The following VILL variants were observed in gnomAD, a reference collection of about 807,000 sequenced individuals.
The protein encoded by VILL is villin like.
A neutral mutation model predicts 106.3 loss-of-function variants in VILL; 102 were observed. The observed-to-expected ratio is 0.96, with a 90% CI of 0.82 to 1.13. The LOEUF (loss-of-function observed/expected upper bound fraction) is 1.13, where lower values mean the gene tolerates loss of function less well. VILL is among the 50% of genes most tolerant of loss of function. The pLI is 0.00. For missense variants in VILL, 1,076 were observed against 1,116.6 expected (o/e 0.96, Z 0.52); for synonymous variants, 431 against 440.3 (o/e 0.98, Z 0.27).
intron 16 of VILL, among the ~76,000 whole-genome samples, chr3:38,005,213 C>T (rs937437562): frequency 2.0e-5 from 3 of 152,062 alleles, no homozygotes; most frequent in African/African-American, 7.3e-5. Context: ...AGAACAAACC[C>T]AGAGCTCTTA....
chr3:38,001,185 G>A, intron 11 of VILL: 2 of 567,850 alleles, frequency 3.5e-6, no homozygotes, highest in Non-Finnish European at 6.3e-6. Context: ...TGGCTGGTGG[G>A]GTTGGGACTA....
rs1368283460 is a variant in VILL, at chr3:38,002,419, G to C, written c.1503G>C (p.Lys501Asn). ...IFQERAGHHGKGQSASTTRLF... is the reference protein window; with the variant it reads ...IFQERAGHHGNGQSASTTRLF... The stretch of plus-strand genomic sequence containing the variant: ...AGGAGAGAGCTGGGCACCATGGAAA[G>C]GGGCAGTCAGCATCCACCACAAGGC... The change falls in exon 14 of 20, where the codon AAG becomes AAC. Residue 501 changes from lysine to asparagine, a missense_variant. Physicochemically the swap from Lys to Asn is moderately conservative, Grantham distance 94 (BLOSUM62 0). Transcript: ENST00000383759. The C allele has an allele frequency of 8.1e-6, 13 of 1,613,282 alleles. No individual in the cohort carries two copies. The highest frequency in any genetic ancestry group is 1.1e-5 in the Non-Finnish European group (13 of 1,179,474).
At chr3:37,995,219 A>G (rs1262011913) in intron 4 of VILL, among the ~76,000 whole-genome samples, 3 of 152,266 alleles carry the variant, frequency 2.0e-5, no homozygotes, top group Admixed American at 6.5e-5. Flanking sequence ...CACTAGCAAT[A>G]TATTTGGAAA....
At position 38,001,766 on chromosome 3, in the gene VILL, T is replaced by C. The variant is rs1171390422; in HGVS notation, c.1385T>C (p.Met462Thr). Reference protein sequence around the residue: ...LNSNAEELDVMYGGVLVQEHV... With the variant: ...LNSNAEELDVTYGGVLVQEHV... ...AGCAACGCTGAGGAACTAGATGTCA[T>C]GTATGGTGGCGTCCTAGTACAGGAG... Residue 462 changes from methionine to threonine, a missense_variant, in exon 13 of 20, where the codon ATG (methionine) becomes ACG (threonine). Met to Thr is a moderately conservative substitution (Grantham distance 81). Transcript: ENST00000383759. 1 of 1,614,256 alleles carries C rather than the reference T, an allele frequency of 6.2e-7. No homozygotes were observed. Among genetic ancestry groups the C allele is most frequent in the Non-Finnish European group, 8.5e-7 (1 of 1,180,032 alleles).
At position 37,998,914 on chromosome 3, in the gene VILL, C is replaced by G; in HGVS notation, c.945C>G (p.Gly315=). The part of the protein sequence containing the change: ...ERKAAFSRAV[G]FIQAKGYPTY... Reference sequence around the variant, plus strand: ...ACTGACGATGCCTTCCGCCCCAGGGCTTCATCCAGGCCAAGGGCTACCCGA... The same window carrying G: ...ACTGACGATGCCTTCCGCCCCAGGGGTTCATCCAGGCCAAGGGCTACCCGA... Residue 315 remains glycine (G), a splice_region_variant and synonymous_variant, in exon 10 of 20, where the codon GGC becomes GGG. Coordinates refer to ENST00000383759, the MANE Select transcript of VILL (RefSeq NM_015873.4). This position sits in a 1 kb window ranked among gnomAD's most constrained non-coding sequence, Gnocchi z 4.1. The G allele has an allele frequency of 6.3e-7, 1 of 1,592,378 alleles. No individual in the cohort carries two copies. The highest frequency in any genetic ancestry group is 1.1e-5 in the South Asian group (1 of 89,910).
intron 4 of VILL, among the ~76,000 whole-genome samples, chr3:37,994,774 C>G (rs2125529888): frequency 6.6e-6 from 1 of 152,346 alleles, no homozygotes; most frequent in African/African-American, 2.4e-5. Context: ...CATCCCCTGC[C>G]CTAGGCAACC....
intron 10 of VILL, 33 bp from the exon 11 acceptor site, chr3:37,999,306 G>C: frequency 1.4e-6 from 2 of 1,464,720 alleles, no homozygotes; most frequent in Non-Finnish European, 1.8e-6. Context: ...GGGGGGCAGA[G>C]GGCGCCACTG....
chr3:38,001,537 G>A lies in VILL; in HGVS notation c.1264G>A (p.Val422Met), dbSNP rs991087888. 4.3e-6 allele frequency: 7 copies of A among 1,614,228 alleles called. No homozygotes were observed. The highest frequency in any genetic ancestry group is 5.9e-6 in the Non-Finnish European group (7 of 1,180,034). Residue 422 changes from valine (V) to methionine (M), a missense_variant, in exon 12 of 20, where the codon GTG (valine) becomes ATG (methionine). Coordinates refer to ENST00000383759, the MANE Select transcript of VILL (RefSeq NM_015873.4). ...GCTGTGTGCAGGCAACTGCTACCTT[G>A]TGCTCTACACATACCAGAGGCTGGG... ...GQLCAGNCYL[V>M]LYTYQRLGRV...
At chr3:37,988,856 C>G (rs1003231468), upstream of VILL, among the ~76,000 whole-genome samples, 1 of 152,192 alleles carries the variant, frequency 6.6e-6, no homozygotes, top group Non-Finnish European at 1.5e-5. Flanking sequence ...GAGCAAAACT[C>G]TGTCTCAAAT....
At chr3:37,994,523 G>A (rs1305124253) in intron 4 of VILL, 57 bp downstream of exon 4, 2 of 1,578,950 alleles carry the variant, frequency 1.3e-6, no homozygotes, top group Non-Finnish European at 1.7e-6. Context: ...CCTTGGCTGG[G>A]GCAGTCTTGG....
intron 13 of VILL, 179 bp from the exon 14 acceptor site, chr3:38,002,217 C>A: frequency 1.5e-6 from 1 of 650,892 alleles, no homozygotes; most frequent in Non-Finnish European, 2.6e-6. Context: ...CTGTCCCAGA[C>A]TGATGGGATT....
At position 38,006,976 on chromosome 3, in the gene VILL, T is replaced by G; in HGVS notation, c.2492T>G (p.Phe831Cys). The change falls in exon 20 of 20, where the codon TTT (phenylalanine) becomes TGT (cysteine). Residue 831 changes from phenylalanine (F) to cysteine (C), a missense_variant. By Grantham distance (205) the Phe-to-Cys change is radical. Transcript: ENST00000383759. ...TCAGACTCTGACTTCCAAGATATCT[T>G]TGGGAAATCCAAGGAGGAATTCTAC... ...YLSDSDFQDI[F>C]GKSKEEFYSM... 6.2e-7 allele frequency: 1 copy of G among 1,614,094 alleles called. No individual in the cohort carries two copies. Among genetic ancestry groups the G allele is most frequent in the Non-Finnish European group, 8.5e-7 (1 of 1,180,012 alleles).
At position 37,998,177 on chromosome 3, in the gene VILL, G is replaced by A. The variant is rs765866014; in HGVS notation, c.843+9G>A. 1.2e-6 allele frequency: 2 copies of A among 1,613,992 alleles called. No homozygotes were observed. The highest frequency in any genetic ancestry group is 1.7e-6 in the Non-Finnish European group (2 of 1,179,932). On this transcript the variant is annotated intron_variant, in intron 8 of 19. Coordinates refer to ENST00000383759, the MANE Select transcript of VILL (RefSeq NM_015873.4). The surrounding 1 kb of genome is among the most constrained non-coding windows in gnomAD (Gnocchi z 4.1). ...ACCTGCTGCAGGAGGAGGTGAGGAA[G>A]GCCTGGCCCCAGCTACTTGCATCCT...
In VILL at chr3:37,993,914, C is replaced by T. The variant is rs1472882986; in HGVS notation, c.77C>T (p.Pro26Leu). The T allele has an allele frequency of 2.5e-6, 4 of 1,614,082 alleles. No individual in the cohort carries two copies. The highest frequency in any genetic ancestry group is 1.6e-4 in the Middle Eastern group (1 of 6,084). Residue 26 changes from proline to leucine, a missense_variant, in exon 3 of 20, where the codon CCG becomes CTG. Pro to Leu is a moderately conservative substitution (Grantham distance 98). Coordinates refer to ENST00000383759, the MANE Select transcript of VILL (RefSeq NM_015873.4). ...IWISENRKMV[P>L]VPEGAYGNFF... ...CTCTCCCAGAACCGGAAGATGGTGCCGGTACCCGAGGGGGCTTACGGGAAC... is the reference window on the plus strand; with the variant it reads ...CTCTCCCAGAACCGGAAGATGGTGCTGGTACCCGAGGGGGCTTACGGGAAC...
Position 37,997,670 on chromosome 3 carries a change from A to G in VILL, c.749A>G (p.Asn250Ser), listed in dbSNP as rs747134086. ...SKDINQLQKANVRLYHVYEKG... is the reference protein window; with the variant it reads ...SKDINQLQKASVRLYHVYEKG... Reference sequence around the variant, plus strand: ...GATATCAACCAGCTGCAGAAGGCCAATGTTCGCCTGTACCAGTGAGTACCC... The same window carrying G: ...GATATCAACCAGCTGCAGAAGGCCAGTGTTCGCCTGTACCAGTGAGTACCC... The change falls in exon 7 of 20, where the codon AAT (asparagine) becomes AGT (serine). Residue 250 changes from asparagine to serine, a missense_variant. Coordinates refer to ENST00000383759, the MANE Select transcript of VILL (RefSeq NM_015873.4). This position sits in a 1 kb window ranked among gnomAD's most constrained non-coding sequence, Gnocchi z 4.7. 14 of 1,271,298 alleles carry G rather than the reference A, an allele frequency of 1.1e-5. No homozygotes were observed. Among genetic ancestry groups the G allele is most frequent in the East Asian group, 9.6e-5 (2 of 20,884 alleles). The allele number at this position is 1,271,298 out of a possible 1,614,324, so 78.8% of individuals were successfully genotyped here.
chr3:38,004,628 G>T (rs1000224253), intron 16 of VILL, among the ~76,000 whole-genome samples: 5 of 152,188 alleles, frequency 3.3e-5, no homozygotes, highest in African/African-American at 1.2e-4. Context: ...GGAACTCAGG[G>T]GTAACTGAGA....
intron 4 of VILL, 47 bp downstream of exon 4, chr3:37,994,513 C>T (rs1699667920): frequency 3.1e-6 from 5 of 1,589,026 alleles, no homozygotes; most frequent in East Asian, 2.3e-5. Context: ...GGAGGCGGTG[C>T]CTTGGCTGGG....
chr3:38,000,120 G>A (rs1177276940), intron 11 of VILL, among the ~76,000 whole-genome samples: 1 of 152,248 alleles, frequency 6.6e-6, no homozygotes, highest in Non-Finnish European at 1.5e-5. Context: ...GGTCCCATCT[G>A]GCCCCAAGGC....
Position 38,001,474 on chromosome 3 carries a change from T to G in VILL, c.1201T>G (p.Leu401Val). 6.2e-7 allele frequency: 1 copy of G among 1,614,184 alleles called. No homozygotes were observed. The change falls in exon 12 of 20, where the codon TTA (leucine) becomes GTA (valine). Residue 401 changes from leucine (L) to valine (V), a missense_variant. Transcript: ENST00000383759. ...GKVEVWCIQD[L>V]HRQPVDPKRH... ...TCCCCAGGTGTGGTGCATCCAGGAC[T>G]TACACAGGCAGCCCGTGGACCCCAA...
Sources: gnomAD v4.1 joint callset for allele counts (sites outside exome capture counted in the v4.1 genomes callset) on GRCh38, gnomAD v4.1.1 for gene constraint, Gnocchi (gnomAD v3.1) non-coding constraint, MANE v1.5 for transcripts, NCBI Gene and HGNC (gene_info 2026-07-23, HGNC 2026-07-21) for gene names.